Variants in CATSPERE observed in about 807,000 individuals in gnomAD.
CATSPERE encodes cation channel sperm-associated auxiliary subunit epsilon.
Under a neutral mutation model 114.1 loss-of-function variants are expected in CATSPERE, and 93 were observed. The ratio of observed to expected loss-of-function variants is 0.81; its 90% confidence interval spans 0.69 to 0.97. CATSPERE has a LOEUF of 0.97. CATSPERE is among the 50% of genes least tolerant of loss of function. The probability of loss-of-function intolerance (pLI) is 0.00; values close to 1 mark genes in which losing one functional copy is unlikely to be tolerated. For synonymous variants in CATSPERE, 341 were observed against 384.1 expected, an observed-to-expected ratio of 0.89 and a Z score of 1.31; for missense variants, 1,058 against 1,131.6, an observed-to-expected ratio of 0.93 and a Z score of 0.93.
rs1269202187 is a variant in CATSPERE, at chr1:244,591,699, T to G, written c.2157T>G (p.Cys719Trp). 6.6e-7 allele frequency: 1 copy of G among 1,515,896 alleles called. No homozygotes were observed. Among genetic ancestry groups the G allele is most frequent in the South Asian group, 1.2e-5 (1 of 85,030 alleles). The allele number at this position is 1,515,896 out of a possible 1,614,324, so 93.9% of individuals were successfully genotyped here. ...IAIKGFSKKG[C>W]HHHDFSYVIE... ...TTTGTAGATTTAGTAAAAAAGGATGTCATCACCATGATTTTTCATACGTGA... is the reference window on the plus strand; with the variant it reads ...TTTGTAGATTTAGTAAAAAAGGATGGCATCACCATGATTTTTCATACGTGA... The change falls in exon 15 of 22, where the codon TGT becomes TGG. Residue 719 changes from cysteine to tryptophan, a missense_variant. Physicochemically the swap from Cys to Trp is radical, Grantham distance 215. Transcript: ENST00000366534.
Position 244,568,342 on chromosome 1 carries a change from C to T in CATSPERE, c.1508-3988C>T, listed in dbSNP as rs961140579. ...GGGTCAGGGACCCACTTGAGGAAGCCGTCTGTCCCTTAGCAGAGCTTGAGG... is the reference window on the plus strand; with the variant it reads ...GGGTCAGGGACCCACTTGAGGAAGCTGTCTGTCCCTTAGCAGAGCTTGAGG... On this transcript the variant is annotated intron_variant, in intron 10 of 21. Transcript: ENST00000366534. This position sits in a 1 kb window ranked among gnomAD's most constrained non-coding sequence, Gnocchi z 4.4. Among the ~76,000 whole-genome samples, 11 of 152,196 alleles carry T rather than the reference C, an allele frequency of 7.2e-5. No individual in the cohort carries two copies. The highest frequency in any genetic ancestry group is 1.9e-4 in the African/African-American group (8 of 41,454).
chr1:244,463,293 T>TG (rs1667098356), intron 1 of CATSPERE, among the ~76,000 whole-genome samples: 3 of 152,170 alleles, frequency 2.0e-5, no homozygotes, highest in Non-Finnish European at 4.4e-5. Flanking sequence ...TGTATTATAT[T>TG]GGACAGTGCT....
chr1:244,554,564 A>G (rs1461690872), intron 9 of CATSPERE, among the ~76,000 whole-genome samples: 2 of 152,208 alleles, frequency 1.3e-5, no homozygotes, highest in African/African-American at 4.8e-5. Flanking sequence ...AATAACAATA[A>G]TAGCCATTCA....
chr1:244,486,871 C>T (rs1262386514), intron 5 of CATSPERE, among the ~76,000 whole-genome samples: 2 of 93,468 alleles, frequency 2.1e-5, no homozygotes, highest in African/African-American at 8.0e-5. Context: ...TGTAGACCCT[C>T]GTAGTCACCT....
intron 5 of CATSPERE, among the ~76,000 whole-genome samples, chr1:244,483,953 G>A (rs1195592819): frequency 6.6e-6 from 1 of 151,796 alleles, no homozygotes; most frequent in Non-Finnish European, 1.5e-5. Context: ...TCTAAAATTA[G>A]GTCTTTAATC....
intron 19 of CATSPERE, among the ~76,000 whole-genome samples, chr1:244,612,440 C>G (rs1670865541): frequency 6.6e-6 from 1 of 151,890 alleles, no homozygotes; most frequent in Admixed American, 6.6e-5. Flanking sequence ...ACTGTAAATT[C>G]TTAGGGAAAA....
chr1:244,623,058 T>TTTATTTATTTATTTA (rs1672601472), intron 20 of CATSPERE, among the ~76,000 whole-genome samples: 25 of 145,508 alleles, frequency 1.7e-4, no homozygotes, highest in African/African-American at 3.6e-4. Context: ...TTTGTCTTAT[T>TTTATTTATTTATTTA]TTTATTTATT....
chr1:244,556,508 T>C (rs61842361), intron 9 of CATSPERE, among the ~76,000 whole-genome samples: 3,408 of 152,244 alleles, frequency 0.022, 49 homozygotes, highest in Middle Eastern at 0.061. Flanking sequence ...TTATACATTT[T>C]TATTTAGAAG....
At chr1:244,452,996 C>T (rs1665759863), upstream of CATSPERE, among the ~76,000 whole-genome samples, 1 of 152,196 alleles carries the variant, frequency 6.6e-6, no homozygotes, top group Non-Finnish European at 1.5e-5. Context: ...TGTATGTTCA[C>T]TAATGGTCCC....
intron 6 of CATSPERE, among the ~76,000 whole-genome samples, chr1:244,496,354 T>G (rs964520537): frequency 2.0e-5 from 3 of 152,200 alleles, no homozygotes; most frequent in African/African-American, 7.2e-5. Flanking sequence ...GAGAGTGTTT[T>G]CACGCTTAGG....
intron 6 of CATSPERE, among the ~76,000 whole-genome samples, chr1:244,491,934 A>C (rs1295302440): frequency 6.6e-6 from 1 of 152,240 alleles, no homozygotes; most frequent in African/African-American, 2.4e-5. Flanking sequence ...ACAGGCTCTG[A>C]AATTGTGGCA....
chr1:244,521,171 T>G (rs774982822), intron 8 of CATSPERE, among the ~76,000 whole-genome samples: 3 of 152,024 alleles, frequency 2.0e-5, no homozygotes, highest in Admixed American at 6.6e-5. Flanking sequence ...CTGGGAAACA[T>G]AGAGAGACCC....
chr1:244,561,719 C>G (rs967464291), intron 10 of CATSPERE, among the ~76,000 whole-genome samples: 1 of 151,910 alleles, frequency 6.6e-6, no homozygotes, highest in Non-Finnish European at 1.5e-5. Flanking sequence ...AGGTCAGATA[C>G]CCAGTTTGAA....
At chr1:244,537,783 T>A (rs1680592360) in intron 8 of CATSPERE, among the ~76,000 whole-genome samples, 2 of 152,200 alleles carry the variant, frequency 1.3e-5, no homozygotes, top group African/African-American at 4.8e-5. Flanking sequence ...ATATGGTGCA[T>A]CTTGGTGAAT....
chr1:244,471,513 T>A (rs1333841082), intron 2 of CATSPERE, among the ~76,000 whole-genome samples: 1 of 152,168 alleles, frequency 6.6e-6, no homozygotes, highest in Non-Finnish European at 1.5e-5. Flanking sequence ...CCCCAAAAAG[T>A]TTCATCATGC....
intron 20 of CATSPERE, among the ~76,000 whole-genome samples, chr1:244,620,849 C>T (rs991856802): frequency 1.3e-5 from 2 of 150,244 alleles, no homozygotes; most frequent in Admixed American, 6.7e-5. Context: ...CCCTGGTGAC[C>T]TGGATCACAA....
At chr1:244,506,674 T>G (rs909925181) in intron 7 of CATSPERE, among the ~76,000 whole-genome samples, 1 of 152,188 alleles carries the variant, frequency 6.6e-6, no homozygotes, top group African/African-American at 2.4e-5. Flanking sequence ...GGGGTATATG[T>G]GATATTTTGG....
chr1:244,606,655 G>A (rs1670047422), intron 18 of CATSPERE, among the ~76,000 whole-genome samples: 1 of 144,510 alleles, frequency 6.9e-6, no homozygotes, highest in Non-Finnish European at 1.5e-5. Context: ...AGGCTGGAGT[G>A]CAGTGGTGCA....
chr1:244,551,946 C>T (rs1660703242), intron 8 of CATSPERE, among the ~76,000 whole-genome samples: 1 of 151,120 alleles, frequency 6.6e-6, no homozygotes, highest in South Asian at 2.1e-4. Context: ...TGCCTGTAAT[C>T]CCAGCTACTC....
Sources: gnomAD v4.1 joint callset for allele counts (sites outside exome capture counted in the v4.1 genomes callset) on GRCh38, gnomAD v4.1.1 for gene constraint, Gnocchi (gnomAD v3.1) non-coding constraint, MANE v1.5 for transcripts, NCBI Gene and HGNC (gene_info 2026-07-23, HGNC 2026-07-21) for gene names.